Variants in PITPNC1 observed in about 807,000 individuals in gnomAD.
PITPNC1 encodes the protein cytoplasmic phosphatidylinositol transfer protein 1.
Under a neutral mutation model 44.7 loss-of-function variants are expected in PITPNC1, and 18 were observed. The observed-to-expected ratio is 0.40, with a 90% CI of 0.28 to 0.60. The LOEUF is 0.60. Among genes scored for constraint, PITPNC1 ranks in the 20% least tolerant of loss-of-function variants. The probability of loss-of-function intolerance (pLI) is 0.39; values close to 1 mark genes in which losing one functional copy is unlikely to be tolerated. For missense variants in PITPNC1, 290 were observed against 418.4 expected (o/e 0.69, Z 2.68); for synonymous variants, 141 against 149.6 (o/e 0.94, Z 0.42).
chr17:67,430,269 G>C (rs923245776), intron 1 of PITPNC1, among the ~76,000 whole-genome samples: 1 of 152,084 alleles, frequency 6.6e-6, no homozygotes, highest in Non-Finnish European at 1.5e-5. Context: ...ACTTTGGGAG[G>C]CTGAGGTGGG....
chr17:67,619,520 C>G (rs2041803208), intron 5 of PITPNC1, among the ~76,000 whole-genome samples: 1 of 152,120 alleles, frequency 6.6e-6, no homozygotes, highest in African/African-American at 2.4e-5. Context: ...AATCACTCCA[C>G]CAGGGGCTCA....
chr17:67,554,508 T>G (rs2040809936), intron 4 of PITPNC1, among the ~76,000 whole-genome samples: 1 of 152,170 alleles, frequency 6.6e-6, no homozygotes, highest in South Asian at 2.1e-4. Flanking sequence ...TCCGCCCACC[T>G]TGGCTTCCCA....
chr17:67,424,141 T>C (rs1312040718), intron 1 of PITPNC1, among the ~76,000 whole-genome samples: 1 of 127,362 alleles, frequency 7.9e-6, no homozygotes, highest in African/African-American at 3.0e-5. Flanking sequence ...AGAATAAAAG[T>C]GAGATGGGAT....
chr17:67,452,128 C>T (rs1276476230), intron 1 of PITPNC1, among the ~76,000 whole-genome samples: 1 of 151,926 alleles, frequency 6.6e-6, no homozygotes, highest in African/African-American at 2.4e-5. Flanking sequence ...ACGTCATCCT[C>T]CTGAGTAGCT....
intron 5 of PITPNC1, among the ~76,000 whole-genome samples, chr17:67,585,746 G>A (rs1444508699): frequency 3.9e-5 from 6 of 152,082 alleles, no homozygotes; most frequent in African/African-American, 4.8e-5. Flanking sequence ...CAGAGGTTTC[G>A]GTGAGCCAAG....
intron 8 of PITPNC1, among the ~76,000 whole-genome samples, chr17:67,685,549 G>C (rs915172440): frequency 6.6e-5 from 10 of 152,270 alleles, no homozygotes; most frequent in Admixed American, 6.5e-4. Flanking sequence ...AGCTGTGAAT[G>C]CCCACTCTAA....
chr17:67,538,325 C>T (rs1272533856), intron 2 of PITPNC1, among the ~76,000 whole-genome samples: 3 of 152,092 alleles, frequency 2.0e-5, no homozygotes, highest in Admixed American at 6.6e-5. Context: ...CATGGCTGGG[C>T]GTGGTGGCTC....
In PITPNC1 at chr17:67,536,623, T is replaced by TG. The variant is rs544396549; in HGVS notation, c.197+3674dup. Among the ~76,000 whole-genome samples, 27 of 152,238 alleles carry TG rather than the reference T, an allele frequency of 1.8e-4. No homozygotes were observed. The South Asian group carries it at 5.2e-3, about 29-fold the overall frequency. ...AATCCATAACCTCCAAGAGAAAACTTGATCAATCCACAGAGGGCCTGGGAA... is the reference window on the plus strand; with the variant it reads ...AATCCATAACCTCCAAGAGAAAACTTGGATCAATCCACAGAGGGCCTGGGAA... On this transcript the variant is annotated intron_variant, in intron 2 of 8. Coordinates refer to ENST00000581322, the MANE Select transcript of PITPNC1 (RefSeq NM_012417.4).
At chr17:67,618,470 G>T (rs1277219687) in intron 5 of PITPNC1, among the ~76,000 whole-genome samples, 1 of 151,876 alleles carries the variant, frequency 6.6e-6, no homozygotes, top group Non-Finnish European at 1.5e-5. Context: ...CTTGTTCCTG[G>T]CTGGGCATAG....
chr17:67,457,719 T>C (rs1367891032), intron 1 of PITPNC1: 1 of 152,196 alleles, frequency 6.6e-6, no homozygotes, highest in African/African-American at 2.4e-5. Flanking sequence ...CTCTTTGTCT[T>C]TGAAATTCTG....
At position 67,676,222 on chromosome 17, in the gene PITPNC1, A is replaced by T. The variant is rs1189483755; in HGVS notation, c.682+680A>T. ...ACTCCGTCTCGGAAAAAAAAAAAAA[A>T]GAAAGAAAGAAACTACCCCTCAACA... On this transcript the variant is annotated intron_variant, in intron 8 of 8. Transcript: ENST00000581322. This position sits in a 1 kb window ranked among gnomAD's most constrained non-coding sequence, Gnocchi z 4.0. Among the ~76,000 whole-genome samples, 3 of 151,580 alleles carry T rather than the reference A, an allele frequency of 2.0e-5. No homozygotes were observed. The highest frequency in any genetic ancestry group is 7.3e-5 in the African/African-American group (3 of 41,146).
chr17:67,476,936 A>G (rs2039638696), intron 1 of PITPNC1, among the ~76,000 whole-genome samples: 1 of 152,204 alleles, frequency 6.6e-6, no homozygotes, highest in South Asian at 2.1e-4. Flanking sequence ...GCAGAGTCTC[A>G]GGCCCCACCC....
chr17:67,556,232 C>T (rs970540729), intron 4 of PITPNC1, among the ~76,000 whole-genome samples: 3 of 152,096 alleles, frequency 2.0e-5, no homozygotes, highest in Non-Finnish European at 2.9e-5. Flanking sequence ...GTTTTGGGGA[C>T]AGGGCTACAG....
intron 1 of PITPNC1, among the ~76,000 whole-genome samples, chr17:67,421,881 A>C (rs1464824162): frequency 6.6e-6 from 1 of 152,038 alleles, no homozygotes. Context: ...CCTTGATGGG[A>C]CTCACCCTCT....
intron 1 of PITPNC1, among the ~76,000 whole-genome samples, chr17:67,506,050 C>G (rs1309995738): frequency 6.6e-6 from 1 of 152,140 alleles, no homozygotes; most frequent in East Asian, 1.9e-4. Flanking sequence ...ACTGGGCAAG[C>G]CTTAGTCCCA....
At chr17:67,589,330 C>T (rs1291825511) in intron 5 of PITPNC1, among the ~76,000 whole-genome samples, 1 of 152,124 alleles carries the variant, frequency 6.6e-6, no homozygotes, top group African/African-American at 2.4e-5. Flanking sequence ...TAGAACTTAC[C>T]GCGGATAATC....
chr17:67,612,664 T>C (rs933744849), intron 5 of PITPNC1: 1 of 148,186 alleles, frequency 6.7e-6, no homozygotes, highest in African/African-American at 2.5e-5. Context: ...GCTGGGTGGA[T>C]GGATGGGCGG....
At chr17:67,514,637 C>T (rs1176800054) in intron 1 of PITPNC1, among the ~76,000 whole-genome samples, 1 of 151,378 alleles carries the variant, frequency 6.6e-6, no homozygotes, top group African/African-American at 2.4e-5. Flanking sequence ...CCAGCCTGGC[C>T]AACATGGTGA....
chr17:67,666,880 C>T (rs1381938161), intron 6 of PITPNC1, among the ~76,000 whole-genome samples: 1 of 152,186 alleles, frequency 6.6e-6, no homozygotes, highest in African/African-American at 2.4e-5. Context: ...ATGGCCTTGG[C>T]GGAGCCACGG....
Sources: gnomAD v4.1 joint callset for allele counts (sites outside exome capture counted in the v4.1 genomes callset) on GRCh38, gnomAD v4.1.1 for gene constraint, Gnocchi (gnomAD v3.1) non-coding constraint, MANE v1.5 for transcripts, NCBI Gene and HGNC (gene_info 2026-07-23, HGNC 2026-07-21) for gene names.